PCSK5: variants seen among roughly 807,000 people sequenced by gnomAD.
The protein encoded by PCSK5 is proprotein convertase subtilisin/kexin type 5, also known as prohormone convertase 5.
In PCSK5, 129 loss-of-function variants were observed where a neutral mutation model predicts 233.2. That is an observed-to-expected ratio of 0.55 (90% CI 0.48 to 0.64). PCSK5 has a LOEUF of 0.64. Among genes scored for constraint, PCSK5 ranks in the 30% least tolerant of loss-of-function variants. The pLI, the probability that PCSK5 is intolerant of heterozygous loss-of-function variation, is 0.00. For synonymous variants in PCSK5, 825 were observed against 879.2 expected (o/e 0.94, Z 1.09); for missense variants, 2,076 against 2,430.1 (o/e 0.85, Z 3.06).
chr9:75,958,350 T>C (rs1215337772), intron 2 of PCSK5, among the ~76,000 whole-genome samples: 2 of 152,182 alleles, frequency 1.3e-5, no homozygotes, highest in African/African-American at 4.8e-5. Flanking sequence ...TGAGTTGGAA[T>C]GGAGTGCAGC....
chr9:76,058,145 G>A (rs747548456), intron 5 of PCSK5, among the ~76,000 whole-genome samples: 29 of 152,146 alleles, frequency 1.9e-4, no homozygotes, highest in East Asian at 3.9e-4. Context: ...AACCATGCCC[G>A]ACCTTAAGGG....
At chr9:76,144,437 A>ATTT (rs1823358949) in intron 10 of PCSK5, among the ~76,000 whole-genome samples, 1 of 152,232 alleles carries the variant, frequency 6.6e-6, no homozygotes, top group African/African-American at 2.4e-5. Context: ...AGCTAAAAAC[A>ATTT]TGAGAAATGT....
intron 36 of PCSK5, among the ~76,000 whole-genome samples, 181 bp downstream of exon 36, chr9:76,351,109 G>C (rs948176016): frequency 3.9e-5 from 6 of 152,124 alleles, no homozygotes; most frequent in African/African-American, 1.4e-4. Flanking sequence ...CTACCCACCT[G>C]TAGCCTTAGC....
chr9:76,171,526 A>G (rs1304740276), intron 13 of PCSK5, among the ~76,000 whole-genome samples: 1 of 152,236 alleles, frequency 6.6e-6, no homozygotes, highest in Non-Finnish European at 1.5e-5. Context: ...TGATAAGCCC[A>G]GGCTGCTCCT....
At chr9:76,063,333 T>A (rs1161376445) in intron 5 of PCSK5, among the ~76,000 whole-genome samples, 1 of 137,568 alleles carries the variant, frequency 7.3e-6, no homozygotes, top group Non-Finnish European at 1.6e-5. Context: ...TTTTTTTTTT[T>A]TTTTTTTTTT....
intron 1 of PCSK5, among the ~76,000 whole-genome samples, chr9:75,905,358 A>G (rs1826217556): frequency 6.6e-6 from 1 of 152,136 alleles, no homozygotes; most frequent in Non-Finnish European, 1.5e-5. Flanking sequence ...CAAAAGAAAA[A>G]AATAAAAATA....
intron 5 of PCSK5, among the ~76,000 whole-genome samples, chr9:76,063,389 C>T (rs1830111272): frequency 1.1e-5 from 1 of 89,796 alleles, no homozygotes; most frequent in Non-Finnish European, 2.0e-5. Flanking sequence ...GGGGATTTGG[C>T]AGGGTCATGG....
chr9:75,909,421 T>C (rs140650310), intron 1 of PCSK5, among the ~76,000 whole-genome samples: 2,741 of 151,364 alleles, frequency 0.018, 38 homozygotes, highest in South Asian at 0.035. Context: ...CAGAGCTGGG[T>C]GCGGTAGCTC....
rs7045883 is a variant in PCSK5, at chr9:76,173,354, G to T, written c.1757-1632G>T. Among the ~76,000 whole-genome samples the T allele has an allele frequency of 2.7e-3, 405 of 152,178 alleles. 2 individuals carry two copies. Among genetic ancestry groups the T allele is most frequent in the African/African-American group, 9.2e-3 (381 of 41,508 alleles). Reference sequence around the variant, plus strand: ...TCTGGATTCTATGCATTCAGCCAAGGTGAGAGGGGTTCTGAGGGGCATTCT... The same window carrying T: ...TCTGGATTCTATGCATTCAGCCAAGTTGAGAGGGGTTCTGAGGGGCATTCT... On this transcript the variant is annotated intron_variant, in intron 13 of 37. Transcript: ENST00000674117.
rs767666578 is a variant in PCSK5, at chr9:76,295,437, A to G, written c.3322+26A>G. 1.2e-5 allele frequency: 20 copies of G among 1,609,056 alleles called. No homozygotes were observed. The East Asian group carries it at 4.2e-4, about 34-fold the overall frequency. ...GTAAGTTAGAAAATGGCACCATCCAAGCTAAGAACCAGGCACTGGAGCTCC... is the reference window on the plus strand; with the variant it reads ...GTAAGTTAGAAAATGGCACCATCCAGGCTAAGAACCAGGCACTGGAGCTCC... On this transcript the variant is annotated intron_variant, in intron 26 of 37. Coordinates refer to ENST00000674117, the MANE Select transcript of PCSK5 (RefSeq NM_001372043.1).
intron 24 of PCSK5, among the ~76,000 whole-genome samples, chr9:76,280,667 A>G (rs954881162): frequency 1.3e-5 from 2 of 151,964 alleles, no homozygotes; most frequent in African/African-American, 4.8e-5. Context: ...TCCCAGGAGT[A>G]CCAGGCTGCA....
At chr9:76,346,769 T>A (rs533118667) in intron 35 of PCSK5, among the ~76,000 whole-genome samples, 151 of 152,274 alleles carry the variant, frequency 9.9e-4, no homozygotes, top group South Asian at 2.5e-3. Flanking sequence ...AATTCCTTCC[T>A]TTTTAAGTCA....
At chr9:76,014,431 C>T (rs1431725101) in intron 3 of PCSK5, among the ~76,000 whole-genome samples, 2 of 152,098 alleles carry the variant, frequency 1.3e-5, no homozygotes, top group Admixed American at 1.3e-4. Context: ...TGATTCATAG[C>T]CAGGAAGAAA....
At chr9:76,251,873 C>T (rs1826818641) in intron 24 of PCSK5, among the ~76,000 whole-genome samples, 1 of 151,978 alleles carries the variant, frequency 6.6e-6, no homozygotes, top group Non-Finnish European at 1.5e-5. Flanking sequence ...CTGAATAGCC[C>T]CAGACCAAAA....
intron 2 of PCSK5, among the ~76,000 whole-genome samples, chr9:75,936,300 C>T (rs1416454658): frequency 2.6e-5 from 4 of 152,096 alleles, no homozygotes; most frequent in African/African-American, 9.7e-5. Flanking sequence ...TGAAATTTGC[C>T]ATATCAGTTG....
chr9:76,025,392 A>C (rs1361832949), intron 4 of PCSK5, among the ~76,000 whole-genome samples: 1 of 138,946 alleles, frequency 7.2e-6, no homozygotes, highest in Non-Finnish European at 1.5e-5. Context: ...TAAAAGTAAA[A>C]AAAATGAGGA....
intron 2 of PCSK5, among the ~76,000 whole-genome samples, chr9:75,941,140 C>T (rs142190131): frequency 1.1e-3 from 169 of 152,296 alleles, no homozygotes; most frequent in Middle Eastern, 6.8e-3. Flanking sequence ...TTCCAGCGGG[C>T]GCTCCTGGGT....
intron 35 of PCSK5, among the ~76,000 whole-genome samples, chr9:76,346,049 CTTGAG>C (rs1349483025): frequency 1.3e-5 from 2 of 152,282 alleles, no homozygotes; most frequent in East Asian, 3.9e-4. Context: ...TTTAATCCAT[CTTGAG>C]TTATCACCTA....
At chr9:76,174,446 A>ACC (rs927268522) in intron 13 of PCSK5, among the ~76,000 whole-genome samples, 1 of 151,872 alleles carries the variant, frequency 6.6e-6, no homozygotes. Flanking sequence ...AGCTGGGACT[A>ACC]CAGGCACGTG....
Sources: allele counts gnomAD v4.1 joint callset (sites outside exome capture counted in the v4.1 genomes callset), GRCh38; gene constraint gnomAD v4.1.1; transcripts MANE v1.5; gene names NCBI Gene and HGNC (gene_info 2026-07-23, HGNC 2026-07-21).